The following COL25A1 variants were observed in gnomAD, a reference collection of about 807,000 sequenced individuals.
COL25A1 encodes the protein collagen type XXV alpha 1 chain, also known as collagen alpha-1(XXV) chain.
In COL25A1, 103 loss-of-function variants were observed where a neutral mutation model predicts 128.4. The ratio of observed to expected loss-of-function variants is 0.80; its 90% CI spans 0.68 to 0.94. The LOEUF is 0.94. COL25A1 is among the 40% of genes least tolerant of loss of function. The pLI is 0.00. For missense variants in COL25A1, 745 were observed against 840.0 expected (o/e 0.89, Z 1.40); for synonymous variants, 279 against 277.2 (o/e 1.01, Z -0.06).
At chr4:109,123,316 A>C (rs937063880) in intron 3 of COL25A1, among the ~76,000 whole-genome samples, 30 of 151,962 alleles carry the variant, frequency 2.0e-4, no homozygotes, top group African/African-American at 7.2e-4. Context: ...TAAAAAAAAA[A>C]CAGGTTGTTT....
At chr4:108,893,601 T>C (rs955632439) in intron 16 of COL25A1, among the ~76,000 whole-genome samples, 2 of 152,076 alleles carry the variant, frequency 1.3e-5, no homozygotes, top group African/African-American at 4.8e-5. Context: ...TAGATTACTT[T>C]ACCATCCAAA....
intron 3 of COL25A1, among the ~76,000 whole-genome samples, chr4:109,260,238 G>A (rs1781350419): frequency 6.6e-6 from 1 of 152,134 alleles, no homozygotes; most frequent in Non-Finnish European, 1.5e-5. Context: ...GCAAGCAAGA[G>A]AAGAAGTATT....
chr4:109,182,806 C>T (rs1341406554), intron 3 of COL25A1, among the ~76,000 whole-genome samples: 2 of 152,030 alleles, frequency 1.3e-5, no homozygotes, highest in African/African-American at 4.8e-5. Context: ...CTGGTGTCTA[C>T]CCCAGCAGGT....
intron 3 of COL25A1, among the ~76,000 whole-genome samples, chr4:109,151,702 T>C (rs953832871): frequency 3.9e-5 from 6 of 152,156 alleles, no homozygotes; most frequent in African/African-American, 1.4e-4. Flanking sequence ...GACTTTTCAA[T>C]TCTTCCAAAG....
chr4:109,022,338 T>G (rs1006866461), intron 5 of COL25A1: 2 of 322,596 alleles, frequency 6.2e-6, no homozygotes, highest in Non-Finnish European at 1.2e-5. Context: ...TCAACCATCT[T>G]AAAGGATAAG....
chr4:108,885,995 A>C (rs1433903921), intron 18 of COL25A1, among the ~76,000 whole-genome samples: 1 of 152,218 alleles, frequency 6.6e-6, no homozygotes, highest in Non-Finnish European at 1.5e-5. Context: ...GTTTTTAATC[A>C]AGAAAAAGAT....
Position 109,296,338 on chromosome 4 carries a change from T to C in COL25A1, c.367+4245A>G, listed in dbSNP as rs1724987496. Among the ~76,000 whole-genome samples the C allele has an allele frequency of 2.6e-5, 4 of 152,214 alleles. No homozygotes were observed. The South Asian group carries it at 8.3e-4, about 32-fold the overall frequency. On this transcript the variant is annotated intron_variant, in intron 3 of 37. Coordinates refer to ENST00000399132, the MANE Select transcript of COL25A1 (RefSeq NM_198721.4). ...CCAGAGAAAAGAAAAATAAAATCTT[T>C]GGGTTTACAAAAATGGAAGAGATTT...
chr4:108,812,310 T>C lies in COL25A1; in HGVS notation c.*1617A>G, dbSNP rs1730858628. On this transcript the variant is annotated 3_prime_UTR_variant, in exon 38 of 38. Transcript: ENST00000399132. ...TAGAAATGTTAAAAAGAGAAAGAAA[T>C]CTAAATATAGACAAAACTTAAAACC... is the stretch of plus-strand genomic sequence containing the variant. The C allele has an allele frequency of 1.3e-5, 2 of 152,154 alleles. No homozygotes were observed. Among genetic ancestry groups the C allele is most frequent in the Admixed American group, 6.5e-5 (1 of 15,268 alleles). 9.4% of individuals were successfully genotyped at this position (152,154 alleles called of 1,614,324 possible).
intron 6 of COL25A1, among the ~76,000 whole-genome samples, chr4:109,000,743 C>CAAAAAAAAAAAAAAAAAAAA (rs1180104512): frequency 2.7e-5 from 1 of 36,428 alleles, no homozygotes; most frequent in African/African-American, 1.7e-4. Context: ...GAGACTCTGT[C>CAAAAAAAAAAAAAAAAAAAA]AAAAAAAAAA....
intron 13 of COL25A1, among the ~76,000 whole-genome samples, chr4:108,906,250 C>T (rs2345003): frequency 0.47 from 71,464 of 151,984 alleles, 19,080 homozygotes; most frequent in East Asian, 0.93. Context: ...ACCCCGCCCC[C>T]ACCTTGCTCC....
rs1245392522 is a variant in COL25A1 at position 108,960,221 on chromosome 4, GA to G, written c.492+14145del. Among the ~76,000 whole-genome samples the G allele has an allele frequency of 2.0e-5, 3 of 152,062 alleles. No homozygotes were observed. The East Asian group carries it at 5.8e-4, about 29-fold the overall frequency. ...AGTAGTTATCCATTTGGCAGAGAAAGAAAAAGAGATTGTTCAGAGACAACAT... is the reference window on the plus strand; with the variant it reads ...AGTAGTTATCCATTTGGCAGAGAAAGAAAAGAGATTGTTCAGAGACAACAT... On this transcript the variant is annotated intron_variant, in intron 8 of 37. Transcript: ENST00000399132.
chr4:108,873,697 T>G (rs1458809402), intron 19 of COL25A1, among the ~76,000 whole-genome samples: 3 of 152,138 alleles, frequency 2.0e-5, no homozygotes. Context: ...TCAACTTCTT[T>G]CAAGAAGTAA....
chr4:108,910,272 T>C (rs571435302), intron 13 of COL25A1, among the ~76,000 whole-genome samples: 1 of 152,288 alleles, frequency 6.6e-6, no homozygotes, highest in South Asian at 2.1e-4. Context: ...ATTTTAAATG[T>C]TTATGTCCAC....
intron 3 of COL25A1, among the ~76,000 whole-genome samples, chr4:109,285,508 C>T (rs1364708076): frequency 6.6e-6 from 1 of 152,164 alleles, no homozygotes; most frequent in Non-Finnish European, 1.5e-5. Flanking sequence ...TTCTAAAATA[C>T]TAGCCAAGGC....
At chr4:108,965,367 T>C (rs1357130042) in intron 8 of COL25A1, among the ~76,000 whole-genome samples, 1 of 152,224 alleles carries the variant, frequency 6.6e-6, no homozygotes, top group African/African-American at 2.4e-5. Flanking sequence ...ATCAGGACTC[T>C]GTGTTATTTG....
chr4:108,915,154 T>C (rs1744721266), intron 13 of COL25A1, among the ~76,000 whole-genome samples: 3 of 152,188 alleles, frequency 2.0e-5, no homozygotes, highest in Admixed American at 2.0e-4. Context: ...TCCTTTCTCC[T>C]AATACAGTCA....
intron 3 of COL25A1, among the ~76,000 whole-genome samples, chr4:109,228,071 C>T (rs1560900496): frequency 6.6e-6 from 1 of 152,188 alleles, no homozygotes; most frequent in Non-Finnish European, 1.5e-5. Context: ...GAAGAAAAGT[C>T]TGTCTCAGCT....
intron 6 of COL25A1, among the ~76,000 whole-genome samples, chr4:108,984,082 A>ACCT (rs1174160881): frequency 6.6e-6 from 1 of 152,120 alleles, no homozygotes; most frequent in East Asian, 1.9e-4. Context: ...AAGGTTCTCC[A>ACCT]AGGCCGCACC....
intron 24 of COL25A1, among the ~76,000 whole-genome samples, chr4:108,857,800 A>G (rs996003423): frequency 6.6e-6 from 1 of 152,140 alleles, no homozygotes; most frequent in African/African-American, 2.4e-5. Context: ...ACCAATAACC[A>G]TTTACTTAAT....
Sources: gnomAD v4.1 joint callset for allele counts (sites outside exome capture counted in the v4.1 genomes callset) on GRCh38, gnomAD v4.1.1 for gene constraint, MANE v1.5 for transcripts, NCBI Gene and HGNC (gene_info 2026-07-23, HGNC 2026-07-21) for gene names.